Variants in NBR1 observed in about 807,000 individuals in gnomAD.
The protein encoded by NBR1 is NBR1 autophagy cargo receptor.
Under a neutral mutation model 115.5 loss-of-function variants are expected in NBR1, and 59 were observed. That is an observed-to-expected ratio of 0.51 (90% CI 0.41 to 0.63). NBR1 has a LOEUF of 0.63. NBR1 is among the 30% of genes least tolerant of loss of function. NBR1 has a pLI of 0.00. For missense variants in NBR1, 1,043 were observed against 1,150.5 expected (o/e 0.91, Z 1.35); for synonymous variants, 373 against 414.7 (o/e 0.90, Z 1.22).
rs1476206989 is a variant in NBR1, at chr17:43,193,182, C to G, written c.1162C>G (p.Pro388Ala). The change falls in exon 11 of 21, where the codon CCA (proline) becomes GCA (alanine). Residue 388 changes from proline to alanine, a missense_variant. Transcript: ENST00000590996. ...ENLPDGTHLQ[P>A]GTKFIKHWRM... is the part of the protein sequence containing the mutation. ...TTTGCCTGATGGGACTCACCTTCAG[C>G]CAGGAACCAAGTTTATCAAACACTG... 4 of 1,613,744 alleles carry G rather than the reference C, an allele frequency of 2.5e-6. No individual in the cohort carries two copies. The East Asian group carries it at 8.9e-5, about 36-fold the overall frequency.
At chr17:43,196,883 G>A in intron 15 of NBR1, 59 bp from the exon 16 acceptor site, 1 of 1,576,864 alleles carries the variant, frequency 6.3e-7, no homozygotes, top group Non-Finnish European at 8.7e-7. Context: ...GGTAATGACT[G>A]GTGAATGTTC....
intron 20 of NBR1, among the ~76,000 whole-genome samples, chr17:43,206,076 C>T (rs1248672594): frequency 6.7e-6 from 1 of 149,886 alleles, no homozygotes; most frequent in Non-Finnish European, 1.5e-5. Context: ...CTCAGGAGGC[C>T]GAGGCAGGAG....
chr17:43,193,216 A>G lies in NBR1; in HGVS notation c.1196A>G (p.Lys399Arg). The part of the protein sequence containing the change: ...GTKFIKHWRM[K>R]NTGNVKWSAD... ...AAGTTTATCAAACACTGGAGGATGA[A>G]AAATACAGGAAATGTAAAGTGGAGT... Residue 399 changes from lysine to arginine, a missense_variant, in exon 11 of 21, where the codon AAA (lysine) becomes AGA (arginine). Physicochemically the swap from Lys to Arg is conservative, Grantham distance 26 (BLOSUM62 2). Coordinates refer to ENST00000590996, the MANE Select transcript of NBR1 (RefSeq NM_005899.5). 6.2e-7 allele frequency: 1 copy of G among 1,614,010 alleles called. No homozygotes were observed. The highest frequency in any genetic ancestry group is 8.5e-7 in the Non-Finnish European group (1 of 1,179,888).
At chr17:43,191,259 CAA>C (rs1269023758) in intron 9 of NBR1, 111 bp from the exon 10 acceptor site, 2 of 778,250 alleles carry the variant, frequency 2.6e-6, no homozygotes, top group African/African-American at 3.5e-5. Flanking sequence ...AATTCTAAAA[CAA>C]AAAAAGAAAT....
At chr17:43,198,091 C>T (rs1349088230) in intron 16 of NBR1, among the ~76,000 whole-genome samples, 1 of 151,664 alleles carries the variant, frequency 6.6e-6, no homozygotes, top group Non-Finnish European at 1.5e-5. Context: ...TCACTTTAAC[C>T]CGGGAGGCGA....
Position 43,193,148 on chromosome 17 carries a change from G to A in NBR1, c.1128G>A (p.Val376=). The A allele has an allele frequency of 6.2e-7, 1 of 1,613,910 alleles. No homozygotes were observed. Among genetic ancestry groups the A allele is most frequent in the Non-Finnish European group, 8.5e-7 (1 of 1,179,868 alleles). ...SVMPMLSAAF[V]DENLPDGTHL... ...TGCCAATGCTCAGTGCAGCATTTGTGGATGAGAATTTGCCTGATGGGACTC... is the reference window on the plus strand; with the variant it reads ...TGCCAATGCTCAGTGCAGCATTTGTAGATGAGAATTTGCCTGATGGGACTC... Residue 376 remains valine, a synonymous_variant, in exon 11 of 21, where the codon GTG becomes GTA. Coordinates refer to ENST00000590996, the MANE Select transcript of NBR1 (RefSeq NM_005899.5).
chr17:43,183,133 C>T lies in NBR1; in HGVS notation c.207+2316C>T, dbSNP rs1348009389. ...GTCTTGAACTTCTAGGCTTAAGCAACCCATCCACCTCAGCCTCCCAAAGTG... is the reference window on the plus strand; with the variant it reads ...GTCTTGAACTTCTAGGCTTAAGCAATCCATCCACCTCAGCCTCCCAAAGTG... On this transcript the variant is annotated intron_variant, in intron 5 of 20. Coordinates refer to ENST00000590996, the MANE Select transcript of NBR1 (RefSeq NM_005899.5). 2.0e-5 allele frequency among the ~76,000 whole-genome samples: 3 copies of T among 151,480 alleles called. No homozygotes were observed. In the East Asian group the frequency reaches 5.8e-4, roughly 29 times the overall value.
At position 43,209,984 on chromosome 17, in the gene NBR1, G is replaced by A; in HGVS notation, c.2811G>A (p.Arg937=). ...MGFCDRQLNL[R]LLKKHNYNIL... is the part of the protein sequence containing the mutation. The stretch of plus-strand genomic sequence containing the variant: ...TCTGTGACAGGCAGCTGAACCTACG[G>A]CTGCTGAAGAAACACAATTACAATA... Residue 937 remains arginine, a synonymous_variant, in exon 21 of 21, where the codon CGG becomes CGA. Coordinates refer to ENST00000590996, the MANE Select transcript of NBR1 (RefSeq NM_005899.5). The A allele has an allele frequency of 6.2e-7, 1 of 1,612,994 alleles. No individual in the cohort carries two copies. Among genetic ancestry groups the A allele is most frequent in the Non-Finnish European group, 8.5e-7 (1 of 1,179,498 alleles).
chr17:43,193,557 C>T lies in NBR1; in HGVS notation c.1443C>T (p.Phe481=), dbSNP rs764425327. The change falls in exon 12 of 21, where the codon TTC becomes TTT. Residue 481 remains phenylalanine, a synonymous_variant. Coordinates refer to ENST00000590996, the MANE Select transcript of NBR1 (RefSeq NM_005899.5). ...GGTGCAGTATCATAGTAGATCCTTTCCCCTCCGAAGAGAGCCCTGATAACA... is the reference window on the plus strand; with the variant it reads ...GGTGCAGTATCATAGTAGATCCTTTTCCCTCCGAAGAGAGCCCTGATAACA... ...RVWCSIIVDP[F]PSEESPDNIE... 6.2e-6 allele frequency: 10 copies of T among 1,612,900 alleles called. No individual in the cohort carries two copies. The highest frequency in any genetic ancestry group is 1.6e-4 in the Middle Eastern group (1 of 6,062).
upstream of NBR1, chr17:43,170,682 G>A (rs1018177864): frequency 6.6e-6 from 1 of 152,338 alleles, no homozygotes; most frequent in African/African-American, 2.4e-5. Context: ...GGAACGAAAG[G>A]CCTTGGCCAC....
In NBR1 at chr17:43,186,414, C is replaced by A. The variant is rs1003830260; in HGVS notation, c.372C>A (p.Asp124Glu). The A allele has an allele frequency of 6.3e-7, 1 of 1,597,130 alleles. No homozygotes were observed. Among genetic ancestry groups the A allele is most frequent in the Non-Finnish European group, 8.5e-7 (1 of 1,173,318 alleles). Residue 124 changes from aspartate to glutamate, a missense_variant, in exon 6 of 21, where the codon GAC (aspartate) becomes GAA (glutamate). Coordinates refer to ENST00000590996, the MANE Select transcript of NBR1 (RefSeq NM_005899.5). Reference protein sequence around the residue: ...YSSLVRVLGSDMKTPEDPAVQ... With the variant: ...YSSLVRVLGSEMKTPEDPAVQ... ...CACTGGTGAGAGTCTTGGGATCAGACATGAAGACCCCAGAGGATCCTGCAG... is the reference window on the plus strand; with the variant it reads ...CACTGGTGAGAGTCTTGGGATCAGAAATGAAGACCCCAGAGGATCCTGCAG...
chr17:43,194,868 G>A (rs909593466), intron 13 of NBR1, 96 bp from the exon 14 acceptor site: 2 of 903,466 alleles, frequency 2.2e-6, no homozygotes, highest in Non-Finnish European at 3.5e-6. Context: ...TTTGAACAGA[G>A]TTGAATACGA....
chr17:43,178,063 T>G (rs751745623), intron 3 of NBR1, 65 bp downstream of exon 3: 3 of 1,511,374 alleles, frequency 2.0e-6, no homozygotes, highest in South Asian at 2.3e-5. Flanking sequence ...TCCAGTGATA[T>G]GGGCTTTAAT....
chr17:43,202,131 G>A (rs1038100574), intron 18 of NBR1, among the ~76,000 whole-genome samples: 3 of 138,484 alleles, frequency 2.2e-5, no homozygotes, highest in Non-Finnish European at 4.5e-5. Context: ...AGTGAGCCGA[G>A]ATCGCACCAT....
intron 19 of NBR1, 44 bp downstream of exon 19, chr17:43,202,756 T>A: frequency 6.9e-7 from 1 of 1,450,870 alleles, no homozygotes; most frequent in Non-Finnish European, 9.5e-7. Flanking sequence ...CAGGTGGATA[T>A]TCTTGTATTC....
In NBR1 at chr17:43,200,597, G is replaced by A. The variant is rs766739721; in HGVS notation, c.2457G>A (p.Pro819=). 26 of 1,602,800 alleles carry A rather than the reference G, an allele frequency of 1.6e-5. No individual in the cohort carries two copies. The highest frequency in any genetic ancestry group is 4.0e-5 in the African/African-American group (3 of 74,734). The change falls in exon 17 of 21, where the codon CCG becomes CCA. Residue 819 remains proline (P), a synonymous_variant. Transcript: ENST00000590996. Reference sequence around the variant, plus strand: ...TCCCAGAGGTAGTGGAGCTTCCACCGTCACTGCCCAGGTACCACTCACAGC... The same window carrying A: ...TCCCAGAGGTAGTGGAGCTTCCACCATCACTGCCCAGGTACCACTCACAGC... The part of the protein sequence containing the change: ...PLIPEVVELP[P]SLPRSSPCVH...
intron 8 of NBR1, chr17:43,190,247 T>C (rs1371088464): frequency 3.1e-6 from 1 of 319,164 alleles, no homozygotes; most frequent in East Asian, 8.5e-5. Context: ...CTTTTAATTA[T>C]TTTTTTGGAG....
chr17:43,177,966 C>A lies in NBR1; in HGVS notation c.133C>A (p.Gln45Lys). 6.4e-7 allele frequency: 1 copy of A among 1,561,178 alleles called. No individual in the cohort carries two copies. Among genetic ancestry groups the A allele is most frequent in the South Asian group, 1.1e-5 (1 of 89,222 alleles). ...VKVSFDLNTI[Q>K]IKYLDEENEE... is the part of the protein sequence containing the mutation. ...AGTTTCATTTGATCTGAATACTATT[C>A]AAATAAAATACCTGGATGAGGAAAA... Residue 45 changes from glutamine (Q) to lysine (K), a missense_variant, in exon 3 of 21, where the codon CAA becomes AAA. Transcript: ENST00000590996.
At chr17:43,192,215 G>A (rs551967827) in intron 10 of NBR1, among the ~76,000 whole-genome samples, 2 of 151,440 alleles carry the variant, frequency 1.3e-5, no homozygotes, top group African/African-American at 4.9e-5. Context: ...TAGAGATGGG[G>A]TTTCATCCTG....
Sources: allele counts gnomAD v4.1 joint callset (sites outside exome capture counted in the v4.1 genomes callset), GRCh38; gene constraint gnomAD v4.1.1; transcripts MANE v1.5; gene names NCBI Gene and HGNC (gene_info 2026-07-23, HGNC 2026-07-21).